Variants in ADAMTS3 observed in about 807,000 individuals in gnomAD.
The protein encoded by ADAMTS3 is A disintegrin and metalloproteinase with thrombospondin motifs 3.
A neutral mutation model predicts 129.0 loss-of-function variants in ADAMTS3; 73 were observed. The observed-to-expected ratio is 0.57, with a 90% CI of 0.47 to 0.69. ADAMTS3 has a LOEUF of 0.69. Among genes scored for constraint, ADAMTS3 ranks in the 30% least tolerant of loss-of-function variants. ADAMTS3 has a pLI of 0.00. For missense variants in ADAMTS3, 1,457 were observed against 1,514.5 expected, an observed-to-expected ratio of 0.96 and a Z score of 0.63; for synonymous variants, 477 against 510.8, an observed-to-expected ratio of 0.93 and a Z score of 0.89.
In ADAMTS3 at chr4:72,282,301, A is replaced by G. The variant is rs1027653973; in HGVS notation, c.*835T>C. On this transcript the variant is annotated 3_prime_UTR_variant, in exon 22 of 22. Transcript: ENST00000286657. ...TTTCAGTTTTGTCTTGCACGAGTTC[A>G]TTATTTACTATTCGTTGATCCCTGT... 1 of 145,878 alleles carries G rather than the reference A, an allele frequency of 6.9e-6. No homozygotes were observed. The highest frequency in any genetic ancestry group is 2.8e-5 in the African/African-American group (1 of 35,488). The allele number at this position is 145,878 out of a possible 1,614,324, so 9.0% of individuals were successfully genotyped here.
chr4:72,480,285 G>C (rs1178718529), intron 3 of ADAMTS3, among the ~76,000 whole-genome samples: 2 of 152,104 alleles, frequency 1.3e-5, no homozygotes, highest in Non-Finnish European at 2.9e-5. Flanking sequence ...GCAAAGACTT[G>C]GAACCAACCC....
intron 3 of ADAMTS3, among the ~76,000 whole-genome samples, chr4:72,466,358 C>G (rs1306412301): frequency 6.6e-6 from 1 of 151,988 alleles, no homozygotes; most frequent in African/African-American, 2.4e-5. Context: ...TCTTGAATGG[C>G]AAGAAAGACC....
chr4:72,379,672 T>C (rs1484265471), intron 4 of ADAMTS3, among the ~76,000 whole-genome samples: 3 of 152,146 alleles, frequency 2.0e-5, no homozygotes, highest in Non-Finnish European at 4.4e-5. Context: ...CTGGGACATC[T>C]GTAGTATCAC....
At chr4:72,485,576 C>T (rs1560534473) in intron 3 of ADAMTS3, among the ~76,000 whole-genome samples, 2 of 151,974 alleles carry the variant, frequency 1.3e-5, no homozygotes, top group African/African-American at 2.4e-5. Flanking sequence ...TATATTTCTA[C>T]CAGTACTCTT....
intron 3 of ADAMTS3, among the ~76,000 whole-genome samples, chr4:72,445,518 G>C (rs1185414681): frequency 6.6e-6 from 1 of 151,650 alleles, no homozygotes; most frequent in Admixed American, 6.6e-5. Flanking sequence ...GAGTAAAATA[G>C]AAGGAACTTT....
chr4:72,468,702 C>A (rs1383932), intron 3 of ADAMTS3, among the ~76,000 whole-genome samples: 93,060 of 151,542 alleles, frequency 0.61, 29,420 homozygotes, highest in South Asian at 0.79. Flanking sequence ...TTGCATCAAA[C>A]ACATCACAAC....
In ADAMTS3 at chr4:72,548,470, A is replaced by C; in HGVS notation, c.504+8T>G. The C allele has an allele frequency of 6.2e-7, 1 of 1,612,270 alleles. No individual in the cohort carries two copies. The highest frequency in any genetic ancestry group is 8.5e-7 in the Non-Finnish European group (1 of 1,178,840). ...GCAAACATACGCACAAAACAGAAGGAGTCTTACCAGACCATCACAGTTGCT... is the reference window on the plus strand; with the variant it reads ...GCAAACATACGCACAAAACAGAAGGCGTCTTACCAGACCATCACAGTTGCT... On this transcript the variant is annotated splice_region_variant and intron_variant, in intron 3 of 21. Transcript: ENST00000286657.
chr4:72,305,515 C>A (rs956680333), intron 16 of ADAMTS3, among the ~76,000 whole-genome samples: 1 of 151,780 alleles, frequency 6.6e-6, no homozygotes, highest in Non-Finnish European at 1.5e-5. Context: ...TTTCTTATTC[C>A]TTAGAGCAAA....
At chr4:72,511,710 T>C (rs1720320258) in intron 3 of ADAMTS3, among the ~76,000 whole-genome samples, 1 of 152,134 alleles carries the variant, frequency 6.6e-6, no homozygotes, top group Admixed American at 6.5e-5. Flanking sequence ...TGGAGGTTTC[T>C]CAAAAAACTA....
At chr4:72,511,455 G>T (rs1259919190) in intron 3 of ADAMTS3, among the ~76,000 whole-genome samples, 1 of 152,168 alleles carries the variant, frequency 6.6e-6, no homozygotes, top group Non-Finnish European at 1.5e-5. Context: ...TTAGGGAAAA[G>T]ATTTGAATAG....
chr4:72,566,279 T>G (rs555062860), intron 2 of ADAMTS3, among the ~76,000 whole-genome samples: 1 of 152,302 alleles, frequency 6.6e-6, no homozygotes, highest in South Asian at 2.1e-4. Flanking sequence ...TGGGCTTAGC[T>G]CTTGGGTTTC....
In ADAMTS3 at chr4:72,415,601, TTA is replaced by T. The variant is rs139736350; in HGVS notation, c.505-632_505-631del. ...TATGATTTAAATTATAACTTTAATATTATATATATATATCCCCCTCAAACTGC... is the reference window on the plus strand; with the variant it reads ...TATGATTTAAATTATAACTTTAATATTATATATATATCCCCCTCAAACTGC... On this transcript the variant is annotated intron_variant, in intron 3 of 21. Transcript: ENST00000286657. 3.3e-5 allele frequency among the ~76,000 whole-genome samples: 5 copies of T among 151,258 alleles called. No individual in the cohort carries two copies. The East Asian group carries it at 5.8e-4, about 18-fold the overall frequency.
chr4:72,309,790 CAT>C (rs1353476410), intron 14 of ADAMTS3, among the ~76,000 whole-genome samples: 1 of 152,070 alleles, frequency 6.6e-6, no homozygotes, highest in East Asian at 1.9e-4. Context: ...ATCAAACACA[CAT>C]GTAATGAAAA....
intron 3 of ADAMTS3, among the ~76,000 whole-genome samples, chr4:72,475,226 A>G (rs1719197925): frequency 6.6e-6 from 1 of 151,966 alleles, no homozygotes; most frequent in African/African-American, 2.4e-5. Flanking sequence ...AGATTGACAG[A>G]TGAAATTTAA....
In ADAMTS3 at chr4:72,455,973, C is replaced by CGTATAGT. The variant is rs1418698479; in HGVS notation, c.505-41003_505-41002insACTATAC. Among the ~76,000 whole-genome samples, 28 of 12,066 alleles carry CGTATAGT rather than the reference C, an allele frequency of 2.3e-3. 1 individual carries two copies. The highest frequency in any genetic ancestry group is 3.3e-3 in the Admixed American group (2 of 604). The allele number at this position is 12,066 out of a possible 152,430, so 7.9% of individuals were successfully genotyped here. On this transcript the variant is annotated intron_variant, in intron 3 of 21. Coordinates refer to ENST00000286657, the MANE Select transcript of ADAMTS3 (RefSeq NM_014243.3). ...CAGTATATATACTATATATATTTTA[C>CGTATAGT]ATATAGTATATATACTATATATATT...
chr4:72,350,900 C>T lies in ADAMTS3; in HGVS notation c.662-11207G>A, dbSNP rs533386377. On this transcript the variant is annotated intron_variant, in intron 4 of 21. Coordinates refer to ENST00000286657, the MANE Select transcript of ADAMTS3 (RefSeq NM_014243.3). Reference sequence around the variant, plus strand: ...ATACCAGAGGGGGACCTCTGCAGATCTTTAGAGTTGTATCTCTGTATGGCT... The same window carrying T: ...ATACCAGAGGGGGACCTCTGCAGATTTTTAGAGTTGTATCTCTGTATGGCT... Among the ~76,000 whole-genome samples the T allele has an allele frequency of 1.6e-3, 247 of 152,056 alleles. 12 individuals carry two copies. In the South Asian group the frequency reaches 0.05, roughly 31 times the overall value.
At chr4:72,526,700 C>G (rs1325610693) in intron 3 of ADAMTS3, among the ~76,000 whole-genome samples, 1 of 139,136 alleles carries the variant, frequency 7.2e-6, no homozygotes, top group Non-Finnish European at 1.5e-5. Flanking sequence ...ATACACTACA[C>G]ACATATATAG....
chr4:72,332,090 G>C (rs972563370), intron 5 of ADAMTS3, among the ~76,000 whole-genome samples: 1 of 152,178 alleles, frequency 6.6e-6, no homozygotes, highest in African/African-American at 2.4e-5. Context: ...CTAGAGGATT[G>C]ATGTGAATTC....
intron 4 of ADAMTS3, among the ~76,000 whole-genome samples, chr4:72,390,712 C>G (rs1211893125): frequency 6.6e-6 from 1 of 152,052 alleles, no homozygotes; most frequent in Admixed American, 6.6e-5. Context: ...TTCTCCCATA[C>G]CAGTATTCCA....
Sources: allele counts gnomAD v4.1 joint callset (sites outside exome capture counted in the v4.1 genomes callset), GRCh38; gene constraint gnomAD v4.1.1; transcripts MANE v1.5; gene names NCBI Gene and HGNC (gene_info 2026-07-23, HGNC 2026-07-21).